The following STK32B variants were observed in gnomAD, a reference collection of about 807,000 sequenced individuals.
The protein encoded by STK32B is serine/threonine kinase 32B.
A neutral mutation model predicts 52.6 loss-of-function variants in STK32B; 43 were observed. That is an observed-to-expected ratio of 0.82 (90% CI 0.64 to 1.05). The LOEUF is 1.05. Among genes scored for constraint, STK32B ranks in the 50% least tolerant of loss-of-function variants. The pLI, the probability that STK32B is intolerant of heterozygous loss-of-function variation, is 0.00. For missense variants in STK32B, 621 were observed against 534.6 expected (o/e 1.16, Z -1.59); for synonymous variants, 238 against 204.3 (o/e 1.17, Z -1.41).
At chr4:5,248,899 G>A (rs907471543) in intron 3 of STK32B, among the ~76,000 whole-genome samples, 1 of 151,434 alleles carries the variant, frequency 6.6e-6, no homozygotes, top group Non-Finnish European at 1.5e-5. Context: ...CGCAGGAAGG[G>A]GAACATCACA....
intron 1 of STK32B, among the ~76,000 whole-genome samples, chr4:5,096,503 C>CCA (rs1472447533): frequency 7.4e-6 from 1 of 134,358 alleles, no homozygotes; most frequent in African/African-American, 2.6e-5. Flanking sequence ...CCAACGGTCA[C>CCA]CACACACATC....
chr4:5,219,585 G>A (rs146454500), intron 3 of STK32B, among the ~76,000 whole-genome samples: 3 of 152,318 alleles, frequency 2.0e-5, no homozygotes, highest in South Asian at 2.1e-4. Context: ...CAGGACAATC[G>A]GCCCAACTTC....
In STK32B at chr4:5,067,475, G is replaced by A. The variant is rs75876479; in HGVS notation, c.52+15560G>A. Reference sequence around the variant, plus strand: ...TATCATTATAGCTGCTGGTTCTTGAGTATCAGAATAGACTAAGGAAAATCA... The same window carrying A: ...TATCATTATAGCTGCTGGTTCTTGAATATCAGAATAGACTAAGGAAAATCA... On this transcript the variant is annotated intron_variant, in intron 1 of 11. Coordinates refer to ENST00000282908, the MANE Select transcript of STK32B (RefSeq NM_018401.3). 1.3e-3 allele frequency among the ~76,000 whole-genome samples: 192 copies of A among 152,172 alleles called. 1 individual carries two copies. The East Asian group carries it at 0.021, about 17-fold the overall frequency.
intron 6 of STK32B, among the ~76,000 whole-genome samples, chr4:5,439,579 T>G (rs1714499742): frequency 6.6e-6 from 1 of 151,498 alleles, no homozygotes; most frequent in Non-Finnish European, 1.5e-5. Flanking sequence ...TGGTAGTTTC[T>G]TTTGCTGTGC....
At chr4:5,409,490 C>T (rs149642003) in intron 5 of STK32B, among the ~76,000 whole-genome samples, 6 of 152,260 alleles carry the variant, frequency 3.9e-5, no homozygotes, top group Non-Finnish European at 7.3e-5. Flanking sequence ...CACTAATGAA[C>T]GTCAGAAGCT....
chr4:5,437,505 T>C (rs1714191149), intron 6 of STK32B, among the ~76,000 whole-genome samples: 1 of 152,248 alleles, frequency 6.6e-6, no homozygotes, highest in Non-Finnish European at 1.5e-5. Context: ...TTGTTGGATT[T>C]AGGGCCCAAT....
intron 4 of STK32B, among the ~76,000 whole-genome samples, chr4:5,368,293 T>C (rs6826527): frequency 0.13 from 14,336 of 109,094 alleles, 261 homozygotes; most frequent in Admixed American, 0.18. Flanking sequence ...GGTCTACTAT[T>C]ATTCCTAATT....
chr4:5,422,623 G>A (rs1712738472), intron 6 of STK32B, among the ~76,000 whole-genome samples: 1 of 152,220 alleles, frequency 6.6e-6, no homozygotes, highest in African/African-American at 2.4e-5. Flanking sequence ...TGAAGAGCAA[G>A]GCATTGATTC....
At chr4:5,266,698 A>G (rs1560272846) in intron 3 of STK32B, among the ~76,000 whole-genome samples, 1 of 152,214 alleles carries the variant, frequency 6.6e-6, no homozygotes, top group Non-Finnish European at 1.5e-5. Flanking sequence ...AGCACTGAGT[A>G]TGGGATGGGA....
intron 4 of STK32B, among the ~76,000 whole-genome samples, chr4:5,389,497 G>C (rs1577432438): frequency 6.6e-6 from 1 of 152,130 alleles, no homozygotes; most frequent in African/African-American, 2.4e-5. Flanking sequence ...ACAGGGCCCT[G>C]ATGTCTCCCC....
chr4:5,174,497 G>A (rs879554365), intron 3 of STK32B, among the ~76,000 whole-genome samples: 1 of 152,114 alleles, frequency 6.6e-6, no homozygotes, highest in Admixed American at 6.6e-5. Context: ...GGCAGGCCTG[G>A]TGGTGACAAA....
intron 3 of STK32B, among the ~76,000 whole-genome samples, chr4:5,230,312 C>A (rs1724174538): frequency 6.6e-6 from 1 of 150,542 alleles, no homozygotes; most frequent in South Asian, 2.1e-4. Flanking sequence ...GTCTCAGCCT[C>A]CAGAGTAGCT....
chr4:5,353,390 T>C lies in STK32B; in HGVS notation c.434+21997T>C, dbSNP rs113216285. On this transcript the variant is annotated intron_variant, in intron 4 of 11. Coordinates refer to ENST00000282908, the MANE Select transcript of STK32B (RefSeq NM_018401.3). ...CAAGCACAGACAATGGAAATGAAAA[T>C]AGACAAATGGTACTATATTAAACTA... Among the ~76,000 whole-genome samples the C allele has an allele frequency of 1.4e-3, 208 of 147,330 alleles. 1 individual carries two copies. The highest frequency in any genetic ancestry group is 5.2e-3 in the African/African-American group (192 of 37,000).
chr4:5,317,351 AAT>A (rs1341626767), intron 3 of STK32B, among the ~76,000 whole-genome samples: 1 of 68,414 alleles, frequency 1.5e-5, no homozygotes, highest in Admixed American at 2.3e-4. Context: ...ACATATATAT[AAT>A]ATATATAATG....
intron 1 of STK32B, among the ~76,000 whole-genome samples, chr4:5,074,869 G>A (rs1711985294): frequency 6.6e-6 from 1 of 152,016 alleles, no homozygotes; most frequent in Non-Finnish European, 1.5e-5. Flanking sequence ...ATCTCTTTTG[G>A]TTTTGCTTTT....
chr4:5,350,693 T>G (rs970536377), intron 4 of STK32B, among the ~76,000 whole-genome samples: 1 of 152,108 alleles, frequency 6.6e-6, no homozygotes, highest in Admixed American at 6.5e-5. Context: ...ATATATAGAC[T>G]GGATGAGTGG....
At chr4:5,167,387 T>G (rs1171041559) in intron 2 of STK32B, among the ~76,000 whole-genome samples, 2 of 152,210 alleles carry the variant, frequency 1.3e-5, no homozygotes, top group Non-Finnish European at 2.9e-5. Context: ...GATGATTTGC[T>G]CAGTGTCTGA....
intron 8 of STK32B, among the ~76,000 whole-genome samples, chr4:5,457,207 TTTTTC>T (rs1375986380): frequency 7.0e-6 from 1 of 142,978 alleles, no homozygotes. Context: ...TGGGGTTTTT[TTTTTC>T]TTTTTTTTTT....
chr4:5,042,431 A>C, the STK32B span, among the ~76,000 whole-genome samples: 1 of 152,222 alleles, frequency 6.6e-6, no homozygotes, highest in Non-Finnish European at 1.5e-5. Flanking sequence ...CTTCATCTGG[A>C]GCACAGCTGA....
Sources: allele counts gnomAD v4.1 joint callset (sites outside exome capture counted in the v4.1 genomes callset), GRCh38; gene constraint gnomAD v4.1.1; transcripts MANE v1.5; gene names NCBI Gene and HGNC (gene_info 2026-07-23, HGNC 2026-07-21).